The following NUDT3 variants were observed in gnomAD, a reference collection of about 807,000 sequenced individuals.
NUDT3 encodes the protein diphosphoinositol polyphosphate phosphohydrolase 1.
NUDT3 carries 9 observed loss-of-function variants against 23.6 expected under a neutral mutation model. The ratio of observed to expected loss-of-function variants is 0.38; its 90% CI spans 0.23 to 0.66. The LOEUF (loss-of-function observed/expected upper bound fraction) is 0.66, where lower values mean the gene tolerates loss of function less well. Ranked by LOEUF, NUDT3 falls within the 30% of genes least tolerant of loss-of-function variation. The pLI is 0.52. For synonymous variants in NUDT3, 86 were observed against 82.6 expected (o/e 1.04, Z -0.22); for missense variants, 172 against 218.5 (o/e 0.79, Z 1.34).
chr6:34,295,596 G>T, intron 3 of NUDT3, 45 bp downstream of exon 3: 1 of 1,598,300 alleles, frequency 6.3e-7, no homozygotes, highest in Non-Finnish European at 8.6e-7. Flanking sequence ...TATCTGTGTG[G>T]TTATTAATAC....
At chr6:34,319,817 C>T (rs184538607) in intron 2 of NUDT3, among the ~76,000 whole-genome samples, 3 of 152,136 alleles carry the variant, frequency 2.0e-5, no homozygotes, top group African/African-American at 4.8e-5. Context: ...ATCATAAAGG[C>T]GGGGAAAGAT....
intron 2 of NUDT3, among the ~76,000 whole-genome samples, chr6:34,309,011 C>T (rs934408542): frequency 1.3e-5 from 2 of 152,132 alleles, no homozygotes; most frequent in Non-Finnish European, 2.9e-5. Flanking sequence ...TTCTGAACTA[C>T]AAGACACACC....
Position 34,392,300 on chromosome 6 carries a change from G to A in NUDT3, c.63C>T (p.Ala21=), listed in dbSNP as rs780219264. ...TYDGDGYKKR[A]ACLCFRSESE... ...TCTCGCTGCGGAAACACAGGCATGC[G>A]GCCCGCTTCTTGTAGCCGTCGCCGT... The change falls in exon 1 of 5, where the codon GCC becomes GCT. Residue 21 remains alanine (A), a synonymous_variant. Transcript: ENST00000607016. 8 of 1,605,870 alleles carry A rather than the reference G, an allele frequency of 5.0e-6. No individual in the cohort carries two copies. In the African/African-American group the frequency reaches 5.4e-5, roughly 11 times the overall value.
chr6:34,372,584 C>G (rs1764848505), intron 1 of NUDT3, among the ~76,000 whole-genome samples: 1 of 151,908 alleles, frequency 6.6e-6, no homozygotes. Context: ...GTGGGGAGAT[C>G]ATCTGAGGTC....
intron 4 of NUDT3, among the ~76,000 whole-genome samples, chr6:34,292,817 G>C (rs1399431134): frequency 6.6e-6 from 1 of 152,148 alleles, no homozygotes; most frequent in Non-Finnish European, 1.5e-5. Flanking sequence ...AGCCTGGCAT[G>C]GCGGAGGCCC....
intron 2 of NUDT3, among the ~76,000 whole-genome samples, chr6:34,309,986 A>G (rs1763746574): frequency 6.7e-6 from 1 of 150,344 alleles, no homozygotes; most frequent in African/African-American, 2.4e-5. Flanking sequence ...TAATCCTAGC[A>G]CTTTGGGACG....
rs898633484 is a variant in NUDT3 at position 34,286,742 on chromosome 6, G to A, written c.*2011C>T. 1 of 150,746 alleles carries A rather than the reference G, an allele frequency of 6.6e-6. No individual in the cohort carries two copies. The highest frequency in any genetic ancestry group is 1.9e-4 in the East Asian group (1 of 5,164). The allele number at this position is 150,746 out of a possible 1,614,324, so 9.3% of individuals were successfully genotyped here. ...TCTTTGGCTCTGTGTGTGAAGATTG[G>A]GGGAGAGGATGTAAACTAAGAGTAT... On this transcript the variant is annotated 3_prime_UTR_variant, in exon 5 of 5. Transcript: ENST00000607016.
At chr6:34,387,364 C>G (rs1178315014) in intron 1 of NUDT3, among the ~76,000 whole-genome samples, 1 of 152,066 alleles carries the variant, frequency 6.6e-6, no homozygotes, top group African/African-American at 2.4e-5. Context: ...AGGTGGAAGA[C>G]AGTGATACTG....
intron 2 of NUDT3, among the ~76,000 whole-genome samples, chr6:34,328,029 C>T (rs1764068442): frequency 6.6e-6 from 1 of 152,180 alleles, no homozygotes; most frequent in African/African-American, 2.4e-5. Context: ...AATGTTTATG[C>T]TAATGATTGA....
At chr6:34,345,684 G>A (rs1764357661) in intron 1 of NUDT3, among the ~76,000 whole-genome samples, 1 of 148,282 alleles carries the variant, frequency 6.7e-6, no homozygotes, top group Non-Finnish European at 1.5e-5. Flanking sequence ...AAAAAAAGCT[G>A]AAGGGACTCA....
intron 2 of NUDT3, among the ~76,000 whole-genome samples, chr6:34,298,042 A>G (rs1367310182): frequency 3.3e-5 from 5 of 151,936 alleles, no homozygotes; most frequent in African/African-American, 9.7e-5. Flanking sequence ...TCAACTTAAC[A>G]TTATGACAAC....
intron 2 of NUDT3, among the ~76,000 whole-genome samples, chr6:34,311,734 T>C (rs189224121): frequency 2.6e-5 from 4 of 152,224 alleles, no homozygotes; most frequent in East Asian, 3.9e-4. Flanking sequence ...AATAAATAGA[T>C]GGAACAATAG....
intron 1 of NUDT3, among the ~76,000 whole-genome samples, chr6:34,351,214 A>AAAAAAAAAACC (rs1764466385): frequency 7.3e-6 from 1 of 136,372 alleles, no homozygotes; most frequent in East Asian, 2.1e-4. Flanking sequence ...AAAAAAAAAA[A>AAAAAAAAAACC]AAAAAAAAAA....
At chr6:34,341,349 T>C (rs1764285347) in intron 2 of NUDT3, among the ~76,000 whole-genome samples, 3 of 152,110 alleles carry the variant, frequency 2.0e-5, no homozygotes, top group Admixed American at 2.0e-4. Context: ...ACTCAACACA[T>C]GTATGTGGAA....
At chr6:34,377,708 C>A (rs1436636224) in intron 1 of NUDT3, among the ~76,000 whole-genome samples, 1 of 151,988 alleles carries the variant, frequency 6.6e-6, no homozygotes, top group African/African-American at 2.4e-5. Flanking sequence ...TGGCACACAC[C>A]TGTAACCCCA....
At chr6:34,369,346 T>C (rs1764792176) in intron 1 of NUDT3, among the ~76,000 whole-genome samples, 2 of 152,184 alleles carry the variant, frequency 1.3e-5, no homozygotes, top group Non-Finnish European at 2.9e-5. Context: ...GAAATCTCTC[T>C]TCTTTCATCA....
Position 34,286,449 on chromosome 6 carries a change from T to C in NUDT3, c.*2304A>G, listed in dbSNP as rs929155612. On this transcript the variant is annotated 3_prime_UTR_variant, in exon 5 of 5. Transcript: ENST00000607016. ...TACTTTCAAATCCATACCATAAAGG[T>C]AGAATTTATCTGGAAGAATGTGTTT... 2 of 152,178 alleles carry C rather than the reference T, an allele frequency of 1.3e-5. No individual in the cohort carries two copies. Among genetic ancestry groups the C allele is most frequent in the African/African-American group, 4.8e-5 (2 of 41,426 alleles). The allele number at this position is 152,178 out of a possible 1,614,324, so 9.4% of individuals were successfully genotyped here. A position where few individuals can be genotyped will look rare whatever the true frequency, so the allele number is the denominator to read the frequency against.
intron 2 of NUDT3, among the ~76,000 whole-genome samples, chr6:34,325,426 G>A (rs1213979256): frequency 6.6e-6 from 1 of 152,094 alleles, no homozygotes. Flanking sequence ...GCCTAGGCTG[G>A]TCTCAAATTC....
intron 1 of NUDT3, among the ~76,000 whole-genome samples, chr6:34,348,028 G>C (rs996211399): frequency 6.6e-6 from 1 of 151,978 alleles, no homozygotes; most frequent in African/African-American, 2.4e-5. Flanking sequence ...GCCAGGTGCA[G>C]TGGCTCATGC....
Sources: gnomAD v4.1 joint callset for allele counts (sites outside exome capture counted in the v4.1 genomes callset) on GRCh38, gnomAD v4.1.1 for gene constraint, MANE v1.5 for transcripts, NCBI Gene and HGNC (gene_info 2026-07-23, HGNC 2026-07-21) for gene names.